Variants in SPATA13 observed in about 807,000 individuals in gnomAD.
The protein encoded by SPATA13 is spermatogenesis-associated protein 13.
SPATA13 carries 50 observed loss-of-function variants against 104.0 expected under a neutral mutation model. That is an observed-to-expected ratio of 0.48 (90% CI 0.38 to 0.61). SPATA13 has a LOEUF of 0.61. Ranked by LOEUF, SPATA13 falls within the 20% of genes least tolerant of loss-of-function variation. The pLI is 0.00. For missense variants in SPATA13, 1,524 were observed against 1,690.6 expected, an observed-to-expected ratio of 0.90 and a Z score of 1.73; for synonymous variants, 606 against 667.5, an observed-to-expected ratio of 0.91 and a Z score of 1.42.
intron 4 of SPATA13, among the ~76,000 whole-genome samples, chr13:24,266,589 T>G (rs924032416): frequency 2.6e-5 from 4 of 151,196 alleles, no homozygotes; most frequent in Non-Finnish European, 5.9e-5. Context: ...CAATCTTCAG[T>G]GTTTATTTTG....
At chr13:24,110,792 G>T (rs1392042085) in intron 3 of SPATA13, among the ~76,000 whole-genome samples, 1 of 152,194 alleles carries the variant, frequency 6.6e-6, no homozygotes, top group Non-Finnish European at 1.5e-5. Context: ...GGAAAGGGCA[G>T]ATCTTTCCAC....
exon 2 of SPATA13, chr13:23,983,928 G>C (rs1018222196): frequency 1.7e-4 from 164 of 985,336 alleles, no homozygotes; most frequent in Non-Finnish European, 1.9e-4. Flanking sequence ...CATCCTGGCC[G>C]TGAAGGTAAG....
chr13:24,294,019 G>T (rs1210834015), intron 9 of SPATA13, among the ~76,000 whole-genome samples: 1 of 152,182 alleles, frequency 6.6e-6, no homozygotes, highest in Non-Finnish European at 1.5e-5. Context: ...CATTATTAAC[G>T]CTGAGCAAAA....
chr13:24,007,519 C>T (rs988166049), intron 2 of SPATA13, among the ~76,000 whole-genome samples: 1 of 152,198 alleles, frequency 6.6e-6, no homozygotes, highest in Non-Finnish European at 1.5e-5. Flanking sequence ...TGTAGTGGTG[C>T]GAACTTGGCC....
At chr13:24,198,287 C>T (rs943547242) in intron 1 of SPATA13, among the ~76,000 whole-genome samples, 6 of 152,168 alleles carry the variant, frequency 3.9e-5, no homozygotes, top group Non-Finnish European at 7.3e-5. Flanking sequence ...GCCACCGCAC[C>T]GAGCCACCTT....
At chr13:24,004,466 G>A (rs1876125808) in intron 2 of SPATA13, among the ~76,000 whole-genome samples, 1 of 152,076 alleles carries the variant, frequency 6.6e-6, no homozygotes. Flanking sequence ...GAAAACCAAG[G>A]GGTTTTCTTA....
chr13:24,019,471 A>T (rs1318215429), intron 3 of SPATA13, among the ~76,000 whole-genome samples: 1 of 152,226 alleles, frequency 6.6e-6, no homozygotes, highest in East Asian at 1.9e-4. Context: ...AAATTTCTGC[A>T]TACTTTTGTA....
At chr13:24,252,444 G>A (rs966799793) in intron 4 of SPATA13, among the ~76,000 whole-genome samples, 1 of 152,142 alleles carries the variant, frequency 6.6e-6, no homozygotes, top group African/African-American at 2.4e-5. Context: ...CACACTCATG[G>A]GTACTGGGGG....
upstream of SPATA13, chr13:24,160,697 CG>C: frequency 1.0e-6 from 1 of 977,810 alleles, no homozygotes; most frequent in Non-Finnish European, 1.2e-6. Flanking sequence ...TGGTGGGGAG[CG>C]GGGCTGGGGC....
chr13:24,020,799 T>G (rs1363627945), intron 3 of SPATA13, among the ~76,000 whole-genome samples: 1 of 152,130 alleles, frequency 6.6e-6, no homozygotes, highest in Non-Finnish European at 1.5e-5. Flanking sequence ...ATTCCAGCAC[T>G]TTGGAAGGCT....
At chr13:24,228,159 G>T (rs1483434643) in intron 2 of SPATA13, among the ~76,000 whole-genome samples, 17 of 143,156 alleles carry the variant, frequency 1.2e-4, no homozygotes, top group African/African-American at 4.3e-4. Context: ...TGTCGCCTAG[G>T]CTGGAGTGCA....
Position 24,286,138 on chromosome 13 carries a change from G to A in SPATA13, c.2302-76G>A, listed in dbSNP as rs1304511168. Reference sequence around the variant, plus strand: ...AGAGGATACCAGTGTCACCCTGAGAGAGTGCACCTAGTGGCTCCCTCACCA... The same window carrying A: ...AGAGGATACCAGTGTCACCCTGAGAAAGTGCACCTAGTGGCTCCCTCACCA... On this transcript the variant is annotated intron_variant, in intron 5 of 12. Transcript: ENST00000382108. This position sits in a 1 kb window ranked among gnomAD's most constrained non-coding sequence, Gnocchi z 4.9. The A allele has an allele frequency of 7.1e-7, 1 of 1,398,984 alleles. No individual in the cohort carries two copies. Among genetic ancestry groups the A allele is most frequent in the Admixed American group, 2.0e-5 (1 of 49,210 alleles). The allele number at this position is 1,398,984 out of a possible 1,614,324, so 86.7% of individuals were successfully genotyped here.
chr13:24,202,996 C>T (rs1392709489), intron 1 of SPATA13, among the ~76,000 whole-genome samples: 1 of 151,714 alleles, frequency 6.6e-6, no homozygotes, highest in Non-Finnish European at 1.5e-5. Context: ...TTTTAAGTTC[C>T]TGGGTACGTG....
intron 3 of SPATA13, among the ~76,000 whole-genome samples, chr13:24,113,940 G>A (rs1460640783): frequency 1.3e-5 from 2 of 151,198 alleles, no homozygotes; most frequent in African/African-American, 2.4e-5. Context: ...TATCAAGGAT[G>A]TGTTACAAGT....
At chr13:24,226,482 GT>G (rs1182758546) in intron 2 of SPATA13, among the ~76,000 whole-genome samples, 3 of 152,148 alleles carry the variant, frequency 2.0e-5, no homozygotes, top group Non-Finnish European at 2.9e-5. Flanking sequence ...TACAACAGCA[GT>G]TTTTTTCATA....
intron 2 of SPATA13, among the ~76,000 whole-genome samples, chr13:24,015,859 G>A (rs1026734982): frequency 3.3e-5 from 5 of 152,136 alleles, no homozygotes; most frequent in Admixed American, 2.0e-4. Context: ...TCAGCAAAAT[G>A]AAGTTGTTGG....
intron 3 of SPATA13, among the ~76,000 whole-genome samples, chr13:24,112,889 C>T (rs1012682960): frequency 6.6e-6 from 1 of 152,216 alleles, no homozygotes; most frequent in Non-Finnish European, 1.5e-5. Context: ...GCTAAGGCCT[C>T]CTTTCTATGG....
intron 1 of SPATA13, among the ~76,000 whole-genome samples, chr13:24,212,402 C>T (rs1317787751): frequency 1.3e-5 from 2 of 152,152 alleles, no homozygotes; most frequent in African/African-American, 2.4e-5. Context: ...TGATGACAGT[C>T]GTAGGTAGCT....
chr13:24,181,932 T>C (rs1868843234), intron 1 of SPATA13, among the ~76,000 whole-genome samples: 1 of 152,176 alleles, frequency 6.6e-6, no homozygotes, highest in African/African-American at 2.4e-5. Context: ...CTGGTCAACA[T>C]GGTGAAACCC....
Sources: allele counts gnomAD v4.1 joint callset (sites outside exome capture counted in the v4.1 genomes callset), GRCh38; gene constraint gnomAD v4.1.1; non-coding constraint Gnocchi (gnomAD v3.1); transcripts MANE v1.5; gene names NCBI Gene and HGNC (gene_info 2026-07-23, HGNC 2026-07-21).